ROR1: variants seen among roughly 807,000 people sequenced by gnomAD.
ROR1 encodes inactive tyrosine-protein kinase transmembrane receptor ROR1.
In ROR1, 19 loss-of-function variants were observed where a neutral mutation model predicts 78.8. The observed-to-expected ratio is 0.24, with a 90% CI of 0.17 to 0.35. ROR1 has a LOEUF of 0.35. Among genes scored for constraint, ROR1 ranks in the 10% least tolerant of loss-of-function variants. The pLI is 1.00. For synonymous variants in ROR1, 386 were observed against 433.6 expected, an observed-to-expected ratio of 0.89 and a Z score of 1.36; for missense variants, 917 against 1,177.8, an observed-to-expected ratio of 0.78 and a Z score of 3.24.
chr1:63,806,672 C>T (rs549699088), intron 1 of ROR1, among the ~76,000 whole-genome samples: 1 of 152,074 alleles, frequency 6.6e-6, no homozygotes, highest in Admixed American at 6.6e-5. Context: ...TTTGTTTTGG[C>T]CTCAAGGAAA....
At chr1:63,798,701 C>G (rs1202906612) in intron 1 of ROR1, among the ~76,000 whole-genome samples, 1 of 152,144 alleles carries the variant, frequency 6.6e-6, no homozygotes. Flanking sequence ...TATTGCTGCT[C>G]TAAAGTAGTC....
At chr1:63,909,381 A>T (rs947164666) in intron 1 of ROR1, among the ~76,000 whole-genome samples, 1 of 152,214 alleles carries the variant, frequency 6.6e-6, no homozygotes, top group Non-Finnish European at 1.5e-5. Context: ...GCACTTGAAG[A>T]AAAGTAGTAT....
At chr1:63,935,703 C>G (rs112680825) in intron 1 of ROR1, among the ~76,000 whole-genome samples, 2 of 152,110 alleles carry the variant, frequency 1.3e-5, no homozygotes, top group African/African-American at 4.8e-5. Flanking sequence ...TTGTCACTGC[C>G]CTGAGTGGCA....
intron 1 of ROR1, among the ~76,000 whole-genome samples, chr1:63,811,358 A>AT (rs1644858722): frequency 6.6e-6 from 1 of 152,156 alleles, no homozygotes; most frequent in African/African-American, 2.4e-5. Context: ...TGCCCCTAAA[A>AT]TTGTCACATA....
At position 64,146,726 on chromosome 1, in the gene ROR1, C is replaced by T. The variant is rs183781837; in HGVS notation, c.1174+4076C>T. Among the ~76,000 whole-genome samples, 355 of 152,322 alleles carry T rather than the reference C, an allele frequency of 2.3e-3. 2 individuals carry two copies. The highest frequency in any genetic ancestry group is 0.01 in the Middle Eastern group (3 of 294). ...CGTTTTCATTTCGATGCCCTTCCTG[C>T]AGCATCCAGATCAAACCCATGCTAG... is the stretch of plus-strand genomic sequence containing the variant. On this transcript the variant is annotated intron_variant, in intron 7 of 8. Coordinates refer to ENST00000371079, the MANE Select transcript of ROR1 (RefSeq NM_005012.4).
intron 4 of ROR1, among the ~76,000 whole-genome samples, chr1:64,075,868 G>T (rs962414396): frequency 1.3e-5 from 2 of 152,172 alleles, no homozygotes. Flanking sequence ...TCAGAATGTG[G>T]TGAGAATGAA....
chr1:63,868,755 G>C (rs1569842123), intron 1 of ROR1, among the ~76,000 whole-genome samples: 1 of 152,304 alleles, frequency 6.6e-6, no homozygotes, highest in Middle Eastern at 3.4e-3. Flanking sequence ...GGGATCAGGA[G>C]TTTCATGGGG....
chr1:64,089,360 C>T lies in ROR1; in HGVS notation c.482+38644C>T, dbSNP rs556861863. Among the ~76,000 whole-genome samples, 19 of 152,236 alleles carry T rather than the reference C, an allele frequency of 1.2e-4. No individual in the cohort carries two copies. In the South Asian group the frequency reaches 2.9e-3, roughly 23 times the overall value. The stretch of plus-strand genomic sequence containing the variant: ...CAGTAGCTGGGACTACAGGCACATG[C>T]CACAATGCCCAGCTAATTTTTCGTA... On this transcript the variant is annotated intron_variant, in intron 4 of 8. Transcript: ENST00000371079.
intron 4 of ROR1, among the ~76,000 whole-genome samples, chr1:64,097,166 G>A (rs1647330451): frequency 7.3e-6 from 1 of 137,600 alleles, no homozygotes; most frequent in Non-Finnish European, 1.5e-5. Flanking sequence ...CCTTTTGGAG[G>A]CTCAAGGGGA....
intron 1 of ROR1, among the ~76,000 whole-genome samples, chr1:63,865,324 A>G (rs1645208353): frequency 6.6e-6 from 1 of 152,194 alleles, no homozygotes; most frequent in South Asian, 2.1e-4. Flanking sequence ...TAGTTTTGTC[A>G]TGCTTTTGGT....
intron 1 of ROR1, among the ~76,000 whole-genome samples, chr1:63,813,747 G>A (rs939810689): frequency 6.6e-6 from 1 of 152,134 alleles, no homozygotes; most frequent in African/African-American, 2.4e-5. Context: ...TATTGAGGGT[G>A]GAAATGTCCA....
chr1:63,908,226 C>G (rs755856156), intron 1 of ROR1, among the ~76,000 whole-genome samples: 1 of 152,132 alleles, frequency 6.6e-6, no homozygotes, highest in African/African-American at 2.4e-5. Flanking sequence ...GCAAAACACA[C>G]ATTTCTCCCC....
At chr1:63,977,398 C>T (rs757184632) in intron 1 of ROR1, among the ~76,000 whole-genome samples, 9 of 152,052 alleles carry the variant, frequency 5.9e-5, no homozygotes, top group Non-Finnish European at 1.2e-4. Context: ...TTCATGTTGG[C>T]GCTCCAAAAG....
At chr1:63,898,366 ATT>A (rs903483264) in intron 1 of ROR1, among the ~76,000 whole-genome samples, 2 of 131,866 alleles carry the variant, frequency 1.5e-5, no homozygotes, top group African/African-American at 2.8e-5. Context: ...AGATGCTTAC[ATT>A]TTTTTTTTTG....
chr1:63,943,212 C>G (rs918388564), intron 1 of ROR1, among the ~76,000 whole-genome samples: 2 of 150,654 alleles, frequency 1.3e-5, no homozygotes, highest in African/African-American at 2.4e-5. Flanking sequence ...ATTCCTTTAT[C>G]TTTTCAAACT....
intron 2 of ROR1, among the ~76,000 whole-genome samples, chr1:64,022,629 A>G (rs2100558235): frequency 6.6e-6 from 1 of 152,326 alleles, no homozygotes; most frequent in East Asian, 1.9e-4. Flanking sequence ...ACCTCTCTGG[A>G]CTTCTTGTGT....
At chr1:63,951,931 C>T (rs1645943365) in intron 1 of ROR1, among the ~76,000 whole-genome samples, 1 of 152,114 alleles carries the variant, frequency 6.6e-6, no homozygotes, top group South Asian at 2.1e-4. Context: ...TTCATTCATT[C>T]ATTGGTTCAT....
intron 1 of ROR1, among the ~76,000 whole-genome samples, chr1:63,966,015 G>C (rs1458742167): frequency 6.6e-6 from 1 of 152,194 alleles, no homozygotes; most frequent in Non-Finnish European, 1.5e-5. Context: ...GTAACCCCTT[G>C]TAGGATTGTT....
At chr1:63,969,897 T>C (rs141566980) in intron 1 of ROR1, among the ~76,000 whole-genome samples, 2 of 152,258 alleles carry the variant, frequency 1.3e-5, no homozygotes, top group African/African-American at 4.8e-5. Flanking sequence ...CTGCCCTTTC[T>C]CTTTAATATG....
Sources: allele counts gnomAD v4.1 joint callset (sites outside exome capture counted in the v4.1 genomes callset), GRCh38; gene constraint gnomAD v4.1.1; transcripts MANE v1.5; gene names NCBI Gene and HGNC (gene_info 2026-07-23, HGNC 2026-07-21).